The following ARHGAP22 variants were observed in gnomAD, a reference collection of about 807,000 sequenced individuals.
ARHGAP22 encodes Rho GTPase activating protein 22, also known as rho GTPase-activating protein 22.
Under a neutral mutation model 59.1 loss-of-function variants are expected in ARHGAP22, and 48 were observed. The ratio of observed to expected loss-of-function variants is 0.81; its 90% confidence interval spans 0.64 to 1.03. The LOEUF is 1.03. Among genes scored for constraint, ARHGAP22 ranks in the 50% least tolerant of loss-of-function variants. The pLI, the probability that ARHGAP22 is intolerant of heterozygous loss-of-function variation, is 0.00. For synonymous variants in ARHGAP22, 445 were observed against 416.4 expected (o/e 1.07, Z -0.84); for missense variants, 1,015 against 958.7 (o/e 1.06, Z -0.78).
intron 3 of ARHGAP22, among the ~76,000 whole-genome samples, chr10:48,505,482 C>T (rs990632004): frequency 5.9e-5 from 9 of 152,250 alleles, no homozygotes; most frequent in African/African-American, 1.2e-4. Context: ...GAGTCCCGTG[C>T]GCCTGACTCT....
At chr10:48,437,569 C>T in the ARHGAP22 span, 1 of 151,306 alleles carries the variant, frequency 6.6e-6, no homozygotes, top group Non-Finnish European at 1.5e-5. Flanking sequence ...GGTTACTATT[C>T]TCTTCCCTCT....
At chr10:48,591,456 G>A (rs2059747779) in intron 1 of ARHGAP22, among the ~76,000 whole-genome samples, 1 of 152,196 alleles carries the variant, frequency 6.6e-6, no homozygotes, top group Admixed American at 6.5e-5. Context: ...TGCAATGGGA[G>A]AGAGAGGAAA....
At chr10:48,577,801 G>GTTTTTTTTTGTTTTTTTTTTT (rs2058828009) in intron 2 of ARHGAP22, among the ~76,000 whole-genome samples, 1 of 59,140 alleles carries the variant, frequency 1.7e-5, no homozygotes, top group Non-Finnish European at 2.9e-5. Flanking sequence ...CTCTTTTTTG[G>GTTTTTTTTTGTTTTTTTTTTT]TTTTTTTTTT....
At chr10:48,551,895 G>A (rs554837323) in intron 3 of ARHGAP22, among the ~76,000 whole-genome samples, 2 of 152,324 alleles carry the variant, frequency 1.3e-5, no homozygotes, top group East Asian at 3.9e-4. Flanking sequence ...TGTGTTGGAG[G>A]GCAATTTTAG....
chr10:48,495,336 C>T (rs996717699), intron 3 of ARHGAP22, among the ~76,000 whole-genome samples: 3 of 152,162 alleles, frequency 2.0e-5, no homozygotes, highest in African/African-American at 7.2e-5. Flanking sequence ...TGTTTTATCT[C>T]GATGTCCTCA....
chr10:48,500,221 G>C (rs2051362490), intron 3 of ARHGAP22, among the ~76,000 whole-genome samples: 1 of 152,184 alleles, frequency 6.6e-6, no homozygotes, highest in East Asian at 1.9e-4. Flanking sequence ...GCGCACACCT[G>C]TAATCCCAGC....
chr10:48,648,460 A>AT (rs371054588), intron 1 of ARHGAP22, among the ~76,000 whole-genome samples: 82 of 152,198 alleles, frequency 5.4e-4, no homozygotes, highest in African/African-American at 1.9e-3. Context: ...ACGTGAGACC[A>AT]TTCACAAGCT....
intron 1 of ARHGAP22, among the ~76,000 whole-genome samples, chr10:48,642,651 G>A (rs1202011417): frequency 1.3e-5 from 2 of 152,040 alleles, no homozygotes; most frequent in African/African-American, 2.4e-5. Context: ...GAAAACCTAG[G>A]CAATACCATT....
At chr10:48,516,576 C>T (rs1444518619) in intron 3 of ARHGAP22, among the ~76,000 whole-genome samples, 1 of 152,068 alleles carries the variant, frequency 6.6e-6, no homozygotes, top group Non-Finnish European at 1.5e-5. Flanking sequence ...TGTTTGCCAA[C>T]AAATTAGATG....
intron 9 of ARHGAP22, among the ~76,000 whole-genome samples, chr10:48,447,613 C>G (rs917811973): frequency 1.3e-5 from 2 of 152,188 alleles, no homozygotes; most frequent in Admixed American, 1.3e-4. Context: ...GAGAAGCCAC[C>G]CACCTCCCCA....
chr10:48,615,621 G>A (rs1312534975), intron 1 of ARHGAP22, among the ~76,000 whole-genome samples: 4 of 151,980 alleles, frequency 2.6e-5, no homozygotes, highest in African/African-American at 9.7e-5. Context: ...TTTTTGATGG[G>A]AAAAATCAAT....
At chr10:48,436,860 A>T in the ARHGAP22 span, 1 of 152,230 alleles carries the variant, frequency 6.6e-6, no homozygotes, top group Admixed American at 6.5e-5. Context: ...GAGTTCTAAG[A>T]CACTTCTTGA....
chr10:48,431,202 A>T, the ARHGAP22 span: 1 of 1,604,658 alleles, frequency 6.2e-7, no homozygotes, highest in Non-Finnish European at 8.5e-7. Context: ...GAATTGATAT[A>T]TAAGGAAGTT....
chr10:48,510,125 G>A (rs936298516), intron 3 of ARHGAP22, among the ~76,000 whole-genome samples: 6 of 152,174 alleles, frequency 3.9e-5, no homozygotes, highest in Admixed American at 6.5e-5. Flanking sequence ...GCACCCCCTC[G>A]TGGGGACAGC....
In ARHGAP22 at chr10:48,454,996, A is replaced by G. The variant is rs201247202; in HGVS notation, c.792+6T>C. Reference sequence around the variant, plus strand: ...CTCCCAGGAGCTATCCCCAGGAGCCACTGACCTCCCCCTCGTCCTTGGTGA... The same window carrying G: ...CTCCCAGGAGCTATCCCCAGGAGCCGCTGACCTCCCCCTCGTCCTTGGTGA... On this transcript the variant is annotated splice_donor_region_variant and intron_variant, in intron 6 of 9. Transcript: ENST00000249601. 4.7e-4 allele frequency: 741 copies of G among 1,589,036 alleles called. 1 individual carries two copies. The highest frequency in any genetic ancestry group is 1.3e-3 in the South Asian group (113 of 88,252).
chr10:48,614,007 G>A (rs2060989898), intron 1 of ARHGAP22, among the ~76,000 whole-genome samples: 1 of 152,080 alleles, frequency 6.6e-6, no homozygotes, highest in Non-Finnish European at 1.5e-5. Flanking sequence ...GGCTGACATA[G>A]CATGAAGGCC....
intron 2 of ARHGAP22, among the ~76,000 whole-genome samples, chr10:48,568,024 T>G (rs2058157634): frequency 6.6e-6 from 1 of 152,186 alleles, no homozygotes; most frequent in African/African-American, 2.4e-5. Context: ...TAAATCCATT[T>G]AACTAATAAT....
upstream of ARHGAP22, among the ~76,000 whole-genome samples, chr10:48,653,845 A>G (rs931417921): frequency 6.6e-6 from 1 of 152,174 alleles, no homozygotes. Context: ...CATGGGCTAG[A>G]TTTGGCAAAT....
chr10:48,487,086 T>C (rs186701533), intron 3 of ARHGAP22, among the ~76,000 whole-genome samples: 31 of 152,276 alleles, frequency 2.0e-4, no homozygotes, highest in Non-Finnish European at 3.4e-4. Context: ...TTTGTGAGCT[T>C]ATAGTTTTCA....
Sources: allele counts gnomAD v4.1 joint callset (sites outside exome capture counted in the v4.1 genomes callset), GRCh38; gene constraint gnomAD v4.1.1; transcripts MANE v1.5; gene names NCBI Gene and HGNC (gene_info 2026-07-23, HGNC 2026-07-21).